ADCY7: variants seen among roughly 807,000 people sequenced by gnomAD.
ADCY7 encodes adenylate cyclase type 7.
A neutral mutation model predicts 120.6 loss-of-function variants in ADCY7; 72 were observed. The ratio of observed to expected loss-of-function variants is 0.60; its 90% CI spans 0.49 to 0.73. The LOEUF is 0.73. Ranked by LOEUF, ADCY7 falls within the 30% of genes least tolerant of loss-of-function variation. The pLI, the probability that ADCY7 is intolerant of heterozygous loss-of-function variation, is 0.00. For missense variants in ADCY7, 1,227 were observed against 1,486.0 expected, an observed-to-expected ratio of 0.83 and a Z score of 2.87; for synonymous variants, 661 against 628.0, an observed-to-expected ratio of 1.05 and a Z score of -0.78.
rs1345011404 is a variant in ADCY7, at chr16:50,249,615, A to T, written c.-64+3412A>T. ...GGACCTGGACATTTGGGCCTCGACT[A>T]TACTGTAAGGGGAGAACATGGCAGG... is the stretch of plus-strand genomic sequence containing the variant. On this transcript the variant is annotated intron_variant, in intron 1 of 4. Coordinates refer to the ADCY7 transcript ENST00000564044. Among the ~76,000 whole-genome samples, 3 of 152,202 alleles carry T rather than the reference A, an allele frequency of 2.0e-5. No individual in the cohort carries two copies. The East Asian group carries it at 5.8e-4, about 29-fold the overall frequency.
chr16:50,314,946 G>GC, intron 24 of ADCY7, 68 bp from the exon 25 acceptor site: 1 of 1,587,274 alleles, frequency 6.3e-7, no homozygotes, highest in Non-Finnish European at 8.6e-7. Context: ...GGATTCTCTG[G>GC]CCTCCTCTAA....
chr16:50,249,676 C>T (rs890832615), intron 1 of ADCY7, among the ~76,000 whole-genome samples: 5 of 152,240 alleles, frequency 3.3e-5, no homozygotes, highest in East Asian at 1.9e-4. Context: ...CCCTCGTTAT[C>T]GCCCAGTTTG....
At chr16:50,245,538 CCTGGGT>C (rs1405992484), upstream of ADCY7, among the ~76,000 whole-genome samples, 1 of 152,146 alleles carries the variant, frequency 6.6e-6, no homozygotes, top group Non-Finnish European at 1.5e-5. Context: ...GGGGCCCCAC[CCTGGGT>C]TGCAGGGATC....
chr16:50,314,298 G>A lies in ADCY7; in HGVS notation c.2863G>A (p.Glu955Lys), dbSNP rs1207494990. 4 of 1,614,034 alleles carry A rather than the reference G, an allele frequency of 2.5e-6. No homozygotes were observed. Among genetic ancestry groups the A allele is most frequent in the Non-Finnish European group, 3.4e-6 (4 of 1,180,020 alleles). Residue 955 changes from glutamate (E) to lysine (K), a missense_variant, in exon 24 of 26, where the codon GAG becomes AAG. This residue lies in a region of ADCY7 where 244 missense variants were observed against 332.8 expected (regional missense o/e 0.73). Transcript: ENST00000673801. ...VASGHENQELERQHAHIGVMV... is the reference protein window; with the variant it reads ...VASGHENQELKRQHAHIGVMV... ...CCCACAGCCTGTCCCGCAGGAGCTG[G>A]AGCGGCAGCATGCCCACATTGGTGT...
At chr16:50,305,987 TG>T in intron 14 of ADCY7, 138 bp downstream of exon 14, 1 of 786,978 alleles carries the variant, frequency 1.3e-6, no homozygotes, top group Non-Finnish European at 2.1e-6. Flanking sequence ...CAGCTGCTCC[TG>T]GGCGGGGGGC....
rs185660849 is a variant in ADCY7 at position 50,313,374 on chromosome 16, G to A, written c.2751+338G>A. 359 of 267,674 alleles carry A rather than the reference G, an allele frequency of 1.3e-3. 3 individuals are homozygous for A. Among genetic ancestry groups the A allele is most frequent in the African/African-American group, 5.9e-3 (259 of 44,198 alleles). 16.6% of individuals were successfully genotyped at this position (267,674 alleles called of 1,614,324 possible). A position where few individuals can be genotyped will look rare whatever the true frequency, so the allele number is the denominator to read the frequency against. On this transcript the variant is annotated intron_variant, in intron 22 of 25. Coordinates refer to ENST00000673801, the MANE Select transcript of ADCY7 (RefSeq NM_001114.5). ...GGCGGTTGCAGTGAGCTGGGATCAC[G>A]CCACTGCACTACAGCCTGGGCAACA...
In ADCY7 at chr16:50,304,456, G is replaced by A. The variant is rs74495137; in HGVS notation, c.1465G>A (p.Glu489Lys). ...GTCAGTGCGCATGACCCGGTACCTCGAGTCCTGGGGGGCGGCACGGCCCTT... is the reference window on the plus strand; with the variant it reads ...GTCAGTGCGCATGACCCGGTACCTCAAGTCCTGGGGGGCGGCACGGCCCTT... The part of the protein sequence containing the change: ...RASVRMTRYL[E>K]SWGAARPFAH... The change falls in exon 11 of 26, where the codon GAG becomes AAG. Residue 489 changes from glutamate to lysine, a missense_variant. Around this residue, in one of 5 missense-constraint regions of ADCY7, gnomAD observed 332 missense variants for 455.8 expected, o/e 0.73. Coordinates refer to ENST00000673801, the MANE Select transcript of ADCY7 (RefSeq NM_001114.5). 179 of 1,609,512 alleles carry A rather than the reference G, an allele frequency of 1.1e-4. No individual in the cohort carries two copies. Among genetic ancestry groups the A allele is most frequent in the Middle Eastern group, 3.3e-4 (2 of 6,026 alleles).
chr16:50,267,517 C>T (rs1325049367), intron 1 of ADCY7, among the ~76,000 whole-genome samples: 1 of 152,162 alleles, frequency 6.6e-6, no homozygotes, highest in Non-Finnish European at 1.5e-5. Flanking sequence ...GGACGGGCAG[C>T]CAGTGTGGGC....
intron 1 of ADCY7, among the ~76,000 whole-genome samples, chr16:50,270,093 C>T (rs987878473): frequency 6.6e-6 from 1 of 152,024 alleles, no homozygotes; most frequent in African/African-American, 2.4e-5. Flanking sequence ...AGGAGGATTG[C>T]TTGAGCCCAG....
In ADCY7 at chr16:50,300,779, C is replaced by T; in HGVS notation, c.1141C>T (p.Leu381=). Residue 381 remains leucine (L), a synonymous_variant, in exon 9 of 26, where the codon CTG becomes TTG. Transcript: ENST00000673801. ...MRVGIHSGNV[L]CGVIGLRKWQ... ...TGTGGGCATACACTCGGGGAATGTG[C>T]TGTGCGGGGTCATCGGGCTGCGCAA... is the stretch of plus-strand genomic sequence containing the variant. 6.4e-7 allele frequency: 1 copy of T among 1,553,470 alleles called. No individual in the cohort carries two copies. The highest frequency in any genetic ancestry group is 8.7e-7 in the Non-Finnish European group (1 of 1,148,028).
At chr16:50,245,724 C>A (rs1394800166), upstream of ADCY7, among the ~76,000 whole-genome samples, 1 of 152,118 alleles carries the variant, frequency 6.6e-6, no homozygotes, top group Non-Finnish European at 1.5e-5. Context: ...GTGGATCCTT[C>A]CAGAAACACG....
In ADCY7 at chr16:50,288,052, C is replaced by G; in HGVS notation, c.-128C>G. ...GCAGGCCCAGAGGCCCTCTCCCCAG[C>G]CCTGCTTGCCTGCCTCGGAGAGGAC... is the stretch of plus-strand genomic sequence containing the variant. On this transcript the variant is annotated 5_prime_UTR_variant, in exon 2 of 26. Coordinates refer to ENST00000673801, the MANE Select transcript of ADCY7 (RefSeq NM_001114.5). 1 of 1,162,570 alleles carries G rather than the reference C, an allele frequency of 8.6e-7. No individual in the cohort carries two copies. The highest frequency in any genetic ancestry group is 1.2e-6 in the Non-Finnish European group (1 of 852,824). 72.0% of individuals were successfully genotyped at this position (1,162,570 alleles called of 1,614,324 possible). A position where few individuals can be genotyped will look rare whatever the true frequency, so the allele number is the denominator to read the frequency against.
chr16:50,280,614 G>C (rs1213831239), intron 1 of ADCY7, among the ~76,000 whole-genome samples: 1 of 152,180 alleles, frequency 6.6e-6, no homozygotes, highest in East Asian at 1.9e-4. Context: ...TACCCTAGCT[G>C]TGTCCCAAAG....
intron 24 of ADCY7, chr16:50,314,637 A>G: frequency 1.9e-6 from 1 of 525,718 alleles, no homozygotes; most frequent in South Asian, 2.6e-5. Context: ...AACCAAAATT[A>G]TTGTCTGTAA....
At chr16:50,259,848 C>T (rs1009772805) in intron 1 of ADCY7, among the ~76,000 whole-genome samples, 1 of 152,224 alleles carries the variant, frequency 6.6e-6, no homozygotes, top group African/African-American at 2.4e-5. Flanking sequence ...CGGGCATTTT[C>T]TTATGTTCCT....
chr16:50,251,240 A>T (rs1415965935), intron 1 of ADCY7, among the ~76,000 whole-genome samples: 1 of 147,302 alleles, frequency 6.8e-6, no homozygotes, highest in Non-Finnish European at 1.5e-5. Flanking sequence ...ACCCTGATTT[A>T]AAAAAAAAAA....
intron 10 of ADCY7, among the ~76,000 whole-genome samples, chr16:50,304,045 G>A (rs753921944): frequency 1.1e-4 from 16 of 152,166 alleles, no homozygotes; most frequent in African/African-American, 3.6e-4. Flanking sequence ...TCTCTCCCTG[G>A]GGAGGCAGAG....
Position 50,293,456 on chromosome 16 carries a change from GACA to G in ADCY7, c.796_798del (p.Asn266del), listed in dbSNP as rs2035131461. On this transcript the variant is annotated inframe_deletion, in exon 6 of 26. Transcript: ENST00000673801. ...GCATGGTGACCGTCGCTGCATGCCT[GACA>G]ACAACTTCCACAGCCTCTACGTCAA... The G allele has an allele frequency of 6.2e-7, 1 of 1,613,908 alleles. No individual in the cohort carries two copies. Among genetic ancestry groups the G allele is most frequent in the African/African-American group, 1.3e-5 (1 of 74,942 alleles).
In ADCY7 at chr16:50,290,442, G is replaced by A. The variant is rs1459103110; in HGVS notation, c.172-15G>A. The A allele has an allele frequency of 6.2e-7, 1 of 1,613,920 alleles. No individual in the cohort carries two copies. The highest frequency in any genetic ancestry group is 1.3e-5 in the African/African-American group (1 of 74,946). On this transcript the variant is annotated splice_polypyrimidine_tract_variant and intron_variant, in intron 2 of 25. Coordinates refer to ENST00000673801, the MANE Select transcript of ADCY7 (RefSeq NM_001114.5). ...GGGGAAAGCCGAGGCATTCCTGTCT[G>A]TTTGCTCCACCCAGGACCCCTCCAG...
Sources: allele counts gnomAD v4.1 joint callset (sites outside exome capture counted in the v4.1 genomes callset), GRCh38; gene constraint gnomAD v4.1.1; regional missense constraint gnomAD v4.1.1; transcripts MANE v1.5; gene names NCBI Gene and HGNC (gene_info 2026-07-23, HGNC 2026-07-21).